The following MYO5C variants were observed in gnomAD, a reference collection of about 807,000 sequenced individuals.
MYO5C encodes myosin VC.
A neutral mutation model predicts 235.7 loss-of-function variants in MYO5C; 194 were observed. The ratio of observed to expected loss-of-function variants is 0.82; its 90% CI spans 0.73 to 0.93. The LOEUF (loss-of-function observed/expected upper bound fraction) is 0.93, where lower values mean the gene tolerates loss of function less well. MYO5C is among the 40% of genes least tolerant of loss of function. The probability of loss-of-function intolerance (pLI) is 0.00; values close to 1 mark genes in which losing one functional copy is unlikely to be tolerated. For synonymous variants in MYO5C, 707 were observed against 754.8 expected, an observed-to-expected ratio of 0.94 and a Z score of 1.04; for missense variants, 2,038 against 2,127.2, an observed-to-expected ratio of 0.96 and a Z score of 0.82.
chr15:52,219,777 T>C lies in MYO5C; in HGVS notation c.3767A>G (p.Glu1256Gly). ...CACTTACTTTCTTTGTGTTCCTTCCTCCTCTTGACTGCGATGTAACTGATT... is the reference window on the plus strand; with the variant it reads ...CACTTACTTTCTTTGTGTTCCTTCCCCCTCTTGACTGCGATGTAACTGATT... ...LSNQLHRSQE[E>G]EGTQRKALEA... Residue 1256 changes from glutamate (E) to glycine (G), a missense_variant, in exon 31 of 41, where the codon GAG becomes GGG. Physicochemically the swap from Glu to Gly is moderately conservative, Grantham distance 98. Transcript: ENST00000261839. The C allele has an allele frequency of 1.2e-6, 2 of 1,612,514 alleles. No homozygotes were observed. Among genetic ancestry groups the C allele is most frequent in the Non-Finnish European group, 1.7e-6 (2 of 1,178,938 alleles).
In MYO5C at chr15:52,272,682, A is replaced by G; in HGVS notation, c.648T>C (p.Ser216=). The G allele has an allele frequency of 3.1e-6, 5 of 1,614,158 alleles. No individual in the cohort carries two copies. Among genetic ancestry groups the G allele is most frequent in the Non-Finnish European group, 4.2e-6 (5 of 1,180,010 alleles). The change falls in exon 6 of 41, where the codon AGT becomes AGC. Residue 216 remains serine, a synonymous_variant. Coordinates refer to ENST00000261839, the MANE Select transcript of MYO5C (RefSeq NM_018728.4). ...TGATTTCTGTGTATTTCCCAAACCG[A>G]CTACTATTGTCATTGCGGGTGGTCT... ...NAKTTRNDNS[S]RFGKYTEISF...
At chr15:52,211,306 T>A (rs2141274210) in intron 35 of MYO5C, among the ~76,000 whole-genome samples, 1 of 152,318 alleles carries the variant, frequency 6.6e-6, no homozygotes, top group South Asian at 2.1e-4. Flanking sequence ...TAATACACAG[T>A]TCATCTTCAT....
At chr15:52,257,646 C>T (rs2036612029) in intron 10 of MYO5C, among the ~76,000 whole-genome samples, 1 of 152,192 alleles carries the variant, frequency 6.6e-6, no homozygotes, top group Non-Finnish European at 1.5e-5. Context: ...TCCTATAACC[C>T]TAACACAGCC....
At chr15:52,204,844 G>A in intron 38 of MYO5C, 21 bp downstream of exon 38, 1 of 1,610,476 alleles carries the variant, frequency 6.2e-7, no homozygotes, top group East Asian at 2.2e-5. Flanking sequence ...CTCCGCGTGA[G>A]CGGAGGTTTC....
chr15:52,244,658 GC>G, intron 18 of MYO5C, 91 bp from the exon 19 acceptor site: 1 of 854,572 alleles, frequency 1.2e-6, no homozygotes, highest in Non-Finnish European at 1.8e-6. Flanking sequence ...ATTCAAAGGT[GC>G]CAGAAATATT....
chr15:52,240,088 C>T (rs543874386), intron 20 of MYO5C, among the ~76,000 whole-genome samples: 1 of 152,210 alleles, frequency 6.6e-6, no homozygotes, highest in Non-Finnish European at 1.5e-5. Flanking sequence ...ATTCTAGAAC[C>T]CCCTGTCTCC....
At chr15:52,248,484 C>T (rs561155078) in intron 14 of MYO5C, among the ~76,000 whole-genome samples, 1 of 152,206 alleles carries the variant, frequency 6.6e-6, no homozygotes, top group South Asian at 2.1e-4. Flanking sequence ...AGCTGTCCTT[C>T]CTGTCATCTG....
At chr15:52,277,962 G>A (rs2037087786) in intron 4 of MYO5C, 2 of 455,896 alleles carry the variant, frequency 4.4e-6, no homozygotes, top group Non-Finnish European at 8.8e-6. Flanking sequence ...GCTGCGGCTG[G>A]GGTTATGCAG....
intron 18 of MYO5C, 44 bp from the exon 19 acceptor site, chr15:52,244,611 T>A: frequency 7.2e-7 from 1 of 1,384,358 alleles, no homozygotes; most frequent in Non-Finnish European, 1.0e-6. Flanking sequence ...ATCTGTCAGA[T>A]TTTCTATAAT....
At position 52,247,503 on chromosome 15, in the gene MYO5C, G is replaced by T. The variant is rs2141328781; in HGVS notation, c.1836C>A (p.Val612=). The change falls in exon 15 of 41, where the codon GTC becomes GTA. Residue 612 remains valine (V), a synonymous_variant. Coordinates refer to ENST00000261839, the MANE Select transcript of MYO5C (RefSeq NM_018728.4). ...SMITVKSAKQ[V]IKPNSKHFRT... ...GGAAATGCTTGCTGTTTGGCTTGAT[G>T]ACTTGCTTTGCAGATTTAACTGTAA... 6.2e-7 allele frequency: 1 copy of T among 1,614,184 alleles called. No homozygotes were observed. The highest frequency in any genetic ancestry group is 8.5e-7 in the Non-Finnish European group (1 of 1,180,024).
At chr15:52,247,379 G>T in intron 15 of MYO5C, 79 bp downstream of exon 15, 1 of 1,493,072 alleles carries the variant, frequency 6.7e-7, no homozygotes, top group South Asian at 1.3e-5. Context: ...GGCCTGGAAT[G>T]CGGGTCCTCT....
At chr15:52,227,248 T>G (rs187055342) in intron 25 of MYO5C, among the ~76,000 whole-genome samples, 125 of 142,876 alleles carry the variant, frequency 8.7e-4, no homozygotes, top group African/African-American at 3.0e-3. Flanking sequence ...AGGCTGGAGT[T>G]CAGTGGTGCA....
At position 52,225,448 on chromosome 15, in the gene MYO5C, C is replaced by T. The variant is rs1315996772; in HGVS notation, c.3292G>A (p.Glu1098Lys). 6.2e-7 allele frequency: 1 copy of T among 1,612,336 alleles called. No homozygotes were observed. Among genetic ancestry groups the T allele is most frequent in the East Asian group, 2.2e-5 (1 of 44,876 alleles). Reference protein sequence around the residue: ...VEKHVQSQKREMREKMSEITK... With the variant: ...VEKHVQSQKRKMREKMSEITK... ...CTCATATTTTTATTACCTCTCATTT[C>T]CCGTTTTTGTGACTGCACATGTTTC... Residue 1098 changes from glutamate to lysine, a missense_variant, in exon 26 of 41, where the codon GAA (glutamate) becomes AAA (lysine). Physicochemically the swap from Glu to Lys is moderately conservative, Grantham distance 56. Transcript: ENST00000261839.
In MYO5C at chr15:52,221,239, T is replaced by G. The variant is rs2035677464; in HGVS notation, c.3644A>C (p.Lys1215Thr). 1 of 1,611,642 alleles carries G rather than the reference T, an allele frequency of 6.2e-7. No homozygotes were observed. The highest frequency in any genetic ancestry group is 8.5e-7 in the Non-Finnish European group (1 of 1,178,494). The change falls in exon 30 of 41, where the codon AAA becomes ACA. Residue 1215 changes from lysine (K) to threonine (T), a missense_variant. Physicochemically the swap from Lys to Thr is moderately conservative, Grantham distance 78. Coordinates refer to ENST00000261839, the MANE Select transcript of MYO5C (RefSeq NM_018728.4). ...TSENMMIPDF[K>T]QQISELEKQK... The stretch of plus-strand genomic sequence containing the variant: ...TTTCTCCAATTCTGAAATTTGCTGT[T>G]TAAAGTCTGGGATCATCTTTAGAGA...
chr15:52,205,638 T>G, intron 37 of MYO5C, 178 bp downstream of exon 37: 1 of 433,256 alleles, frequency 2.3e-6, no homozygotes, highest in African/African-American at 2.0e-5. Flanking sequence ...CAGCGTACTA[T>G]TATTTATGGA....
At chr15:52,292,843 G>C (rs962257109) in intron 1 of MYO5C, among the ~76,000 whole-genome samples, 1 of 152,238 alleles carries the variant, frequency 6.6e-6, no homozygotes, top group African/African-American at 2.4e-5. Flanking sequence ...AAAGGTGACA[G>C]ACAGAGGCTC....
chr15:52,242,597 T>C (rs2036252752), intron 19 of MYO5C: 1 of 168,780 alleles, frequency 5.9e-6, no homozygotes, highest in African/African-American at 2.4e-5. Context: ...TAAATAGTTA[T>C]CATCTCGTCC....
chr15:52,269,040 T>C (rs763817356), intron 8 of MYO5C, among the ~76,000 whole-genome samples: 72 of 152,216 alleles, frequency 4.7e-4, no homozygotes, highest in Non-Finnish European at 8.1e-4. Flanking sequence ...CCCAGCACAT[T>C]GCAAGCTCCA....
At position 52,245,154 on chromosome 15, in the gene MYO5C, G is replaced by A. The variant is rs541881145; in HGVS notation, c.2178+200C>T. 9.8e-5 allele frequency among the ~76,000 whole-genome samples: 15 copies of A among 152,336 alleles called. No homozygotes were observed. The East Asian group carries it at 2.9e-3, about 29-fold the overall frequency. Reference sequence around the variant, plus strand: ...ACACTGGGGAGGCCGGAGTTCGGATGTGGGTCCCTAACGGGGACTCATGGC... The same window carrying A: ...ACACTGGGGAGGCCGGAGTTCGGATATGGGTCCCTAACGGGGACTCATGGC... On this transcript the variant is annotated intron_variant, in intron 18 of 40. Transcript: ENST00000261839.
Sources: gnomAD v4.1 joint callset for allele counts (sites outside exome capture counted in the v4.1 genomes callset) on GRCh38, gnomAD v4.1.1 for gene constraint, MANE v1.5 for transcripts, NCBI Gene and HGNC (gene_info 2026-07-23, HGNC 2026-07-21) for gene names.